Variants in PCNT observed in about 807,000 individuals in gnomAD.
PCNT encodes kendrin.
Under a neutral mutation model 380.4 loss-of-function variants are expected in PCNT, and 319 were observed. The observed-to-expected ratio is 0.84, with a 90% confidence interval of 0.77 to 0.92. The LOEUF is 0.92. PCNT is among the 40% of genes least tolerant of loss of function. The probability of loss-of-function intolerance (pLI) is 0.00; values close to 1 mark genes in which losing one functional copy is unlikely to be tolerated. For missense variants in PCNT, 4,400 were observed against 4,255.3 expected (o/e 1.03, Z -0.95); for synonymous variants, 1,845 against 1,735.2 (o/e 1.06, Z -1.57).
At position 46,425,769 on chromosome 21, in the gene PCNT, G is replaced by A; in HGVS notation, c.7180-62G>A. 1.2e-6 allele frequency: 2 copies of A among 1,609,112 alleles called. No homozygotes were observed. The highest frequency in any genetic ancestry group is 1.7e-6 in the Non-Finnish European group (2 of 1,179,018). On this transcript the variant is annotated intron_variant, in intron 32 of 46. Transcript: ENST00000359568. The surrounding 1 kb of genome is among the most constrained non-coding windows in gnomAD (Gnocchi z 4.2). The stretch of plus-strand genomic sequence containing the variant: ...TGGCGGCAGCTCGGGGCCGCAGGTG[G>A]TGTAGAGCGTGGCTGTGTGGGGTGG...
chr21:46,346,310 T>G, intron 4 of PCNT, 102 bp downstream of exon 4: 1 of 656,290 alleles, frequency 1.5e-6, no homozygotes, highest in Non-Finnish European at 2.7e-6. Flanking sequence ...TGCCATCTCC[T>G]TTCTCTGAGT....
chr21:46,401,854 T>C, intron 26 of PCNT, 133 bp downstream of exon 26: 8 of 903,086 alleles, frequency 8.9e-6, no homozygotes, highest in Non-Finnish European at 1.4e-5. Context: ...CTTTTCTTTT[T>C]TTTGTTGTTG....
intron 29 of PCNT, among the ~76,000 whole-genome samples, chr21:46,414,528 GCTC>G (rs201946771): frequency 1.3e-4 from 11 of 83,082 alleles, no homozygotes; most frequent in African/African-American, 3.5e-4. Flanking sequence ...CACCCACCCT[GCTC>G]CTCCTCCTCC....
At position 46,416,171 on chromosome 21, in the gene PCNT, A is replaced by G; in HGVS notation, c.6253A>G (p.Thr2085Ala). The G allele has an allele frequency of 1.2e-6, 2 of 1,614,128 alleles. No individual in the cohort carries two copies. Among genetic ancestry groups the G allele is most frequent in the African/African-American group, 2.7e-5 (2 of 75,014 alleles). The change falls in exon 30 of 47, where the codon ACC becomes GCC. Residue 2085 changes from threonine (T) to alanine (A), a missense_variant. Coordinates refer to ENST00000359568, the MANE Select transcript of PCNT (RefSeq NM_006031.6). ...ACTGAACCGTTTGCTGTATTCCATG[A>G]CCTTCCAGAATGTGGATGCTGCCGA... is the stretch of plus-strand genomic sequence containing the variant. ...EKLNRLLYSM[T>A]FQNVDAADTK...
intron 17 of PCNT, among the ~76,000 whole-genome samples, chr21:46,387,976 T>C (rs1293640199): frequency 3.3e-5 from 5 of 152,044 alleles, no homozygotes; most frequent in Admixed American, 6.5e-5. Flanking sequence ...TTTGGGAGGC[T>C]GAGGCGGGTG....
chr21:46,437,093 G>T lies in PCNT; in HGVS notation c.9099+12G>T. The T allele has an allele frequency of 6.3e-7, 1 of 1,595,792 alleles. No homozygotes were observed. Among genetic ancestry groups the T allele is most frequent in the Non-Finnish European group, 8.6e-7 (1 of 1,164,138 alleles). The stretch of plus-strand genomic sequence containing the variant: ...CCACCTCCTCCCAGGTAAGGGGTGA[G>T]CGCCCCCAGGTCCCTGGCCTGGCTC... On this transcript the variant is annotated intron_variant, in intron 40 of 46. Transcript: ENST00000359568.
In PCNT at chr21:46,324,246, G is replaced by A. The variant is rs767198824; in HGVS notation, c.18G>A (p.Glu6=). The A allele has an allele frequency of 2.5e-6, 4 of 1,612,270 alleles. No homozygotes were observed. The highest frequency in any genetic ancestry group is 1.7e-5 in the Admixed American group (1 of 59,842). The part of the protein sequence containing the change: MEVEQ[E]QRRRKVEAGR... Reference sequence around the variant, plus strand: ...TGAGGGAGATGGAAGTTGAGCAAGAGCAGCGGCGCAGAAAGGTGGAGGCCG... The same window carrying A: ...TGAGGGAGATGGAAGTTGAGCAAGAACAGCGGCGCAGAAAGGTGGAGGCCG... The change falls in exon 1 of 47, where the codon GAG becomes GAA. Residue 6 remains glutamate (E), a synonymous_variant. Coordinates refer to ENST00000359568, the MANE Select transcript of PCNT (RefSeq NM_006031.6).
chr21:46,436,268 C>T (rs1340499095), intron 39 of PCNT, 120 bp downstream of exon 39: 1 of 1,144,784 alleles, frequency 8.7e-7, no homozygotes, highest in East Asian at 2.5e-5. Flanking sequence ...ACTTAACGCT[C>T]TAGTCCTCTT....
chr21:46,444,034 C>G (rs1486231801), intron 45 of PCNT, 86 bp downstream of exon 45: 3 of 1,428,420 alleles, frequency 2.1e-6, no homozygotes, highest in Non-Finnish European at 2.9e-6. Flanking sequence ...ATTTTTAGTT[C>G]TGGCTTTGGC....
chr21:46,392,827 T>C (rs1483108550), intron 21 of PCNT, among the ~76,000 whole-genome samples: 3 of 152,252 alleles, frequency 2.0e-5, no homozygotes, highest in Admixed American at 6.5e-5. Flanking sequence ...ATTTTTTATA[T>C]AAATTTCTGA....
At chr21:46,326,978 A>C (rs1278517858) in intron 2 of PCNT, among the ~76,000 whole-genome samples, 8 of 151,036 alleles carry the variant, frequency 5.3e-5, no homozygotes, top group Non-Finnish European at 3.0e-5. Flanking sequence ...ACGCCAATGC[A>C]CTCCAGACTG....
intron 35 of PCNT, among the ~76,000 whole-genome samples, chr21:46,429,499 C>A (rs993634568): frequency 4.6e-5 from 7 of 152,002 alleles, no homozygotes; most frequent in Non-Finnish European, 7.4e-5. Flanking sequence ...GGGTGGTGGG[C>A]CGGTGCTGTC....
In PCNT at chr21:46,360,213, ATTTTTTTT is replaced by A. The variant is rs71318070; in HGVS notation, c.2154+3041_2154+3048del. On this transcript the variant is annotated intron_variant, in intron 13 of 46. Transcript: ENST00000359568. ...TTATGTGGACAGCATATAGTTGGCA[ATTTTTTTT>A]TTTTTTTTTTTTTTTTTTAAAGACG... 1.8e-3 allele frequency among the ~76,000 whole-genome samples: 149 copies of A among 82,480 alleles called. 2 individuals carry two copies. Among genetic ancestry groups the A allele is most frequent in the African/African-American group, 7.2e-3 (141 of 19,622 alleles). 54.1% of individuals were successfully genotyped at this position (82,480 alleles called of 152,430 possible).
intron 31 of PCNT, among the ~76,000 whole-genome samples, chr21:46,419,562 C>T (rs780414164): frequency 6.6e-6 from 1 of 152,216 alleles, no homozygotes; most frequent in African/African-American, 2.4e-5. Flanking sequence ...CCAGCAGAGC[C>T]GCTGGGAGCG....
chr21:46,412,801 C>T (rs2147694345), intron 28 of PCNT, 36 bp from the exon 29 acceptor site: 1 of 1,605,976 alleles, frequency 6.2e-7, no homozygotes, highest in South Asian at 1.1e-5. Flanking sequence ...CAACAGCCTC[C>T]TGCATGCTCA....
intron 2 of PCNT, among the ~76,000 whole-genome samples, chr21:46,329,711 C>T (rs116301597): frequency 2.6e-5 from 4 of 152,336 alleles, no homozygotes; most frequent in African/African-American, 9.6e-5. Context: ...TTTCACAAAA[C>T]TTGGTGAAAC....
intron 13 of PCNT, among the ~76,000 whole-genome samples, chr21:46,360,751 TTCC>T (rs2084685563): frequency 1.4e-5 from 2 of 144,294 alleles, no homozygotes; most frequent in South Asian, 2.2e-4. Context: ...ATCTCCTGAC[TTCC>T]CGATCCGCCC....
chr21:46,341,921 C>A (rs2083920324), intron 3 of PCNT, among the ~76,000 whole-genome samples: 1 of 149,028 alleles, frequency 6.7e-6, no homozygotes, highest in Non-Finnish European at 1.5e-5. Flanking sequence ...TCAAGTGATG[C>A]TCCTGCTTTA....
rs2087690484 is a variant in PCNT at position 46,430,206 on chromosome 21, G to A, written c.7887G>A (p.Glu2629=). Residue 2629 remains glutamate (E), a synonymous_variant, in exon 36 of 47, where the codon GAG becomes GAA. Coordinates refer to ENST00000359568, the MANE Select transcript of PCNT (RefSeq NM_006031.6). Reference sequence around the variant, plus strand: ...AACAGCTGTCCCGGTCCCTCTGCGAGGTGCAGCAGGAGGTCCTCCAGCTGA... The same window carrying A: ...AACAGCTGTCCCGGTCCCTCTGCGAAGTGCAGCAGGAGGTCCTCCAGCTGA... ...KSEQLSRSLC[E]VQQEVLQLRS... The A allele has an allele frequency of 1.2e-6, 2 of 1,613,674 alleles. No individual in the cohort carries two copies. Among genetic ancestry groups the A allele is most frequent in the Non-Finnish European group, 1.7e-6 (2 of 1,179,984 alleles).
Sources: gnomAD v4.1 joint callset for allele counts (sites outside exome capture counted in the v4.1 genomes callset) on GRCh38, gnomAD v4.1.1 for gene constraint, Gnocchi (gnomAD v3.1) non-coding constraint, MANE v1.5 for transcripts, NCBI Gene and HGNC (gene_info 2026-07-23, HGNC 2026-07-21) for gene names.